The following STARD8 variants were observed in gnomAD, a reference collection of about 807,000 sequenced individuals.
STARD8 encodes StAR related lipid transfer domain containing 8, also known as stAR-related lipid transfer protein 8.
STARD8 carries 25 observed loss-of-function variants against 69.4 expected under a neutral mutation model. The observed-to-expected ratio is 0.36, with a 90% CI of 0.26 to 0.50. The LOEUF is 0.50. STARD8 is among the 20% of genes least tolerant of loss of function. The probability of loss-of-function intolerance (pLI) is 0.96; values close to 1 mark genes in which losing one functional copy is unlikely to be tolerated. For missense variants in STARD8, 921 were observed against 932.5 expected (o/e 0.99, Z 0.16); for synonymous variants, 389 against 374.6 (o/e 1.04, Z -0.45).
At chrX:68,711,081 T>C (rs1390507883) in intron 2 of STARD8, among the ~76,000 whole-genome samples, 1 of 111,879 alleles carries the variant, frequency 8.9e-6, no homozygotes, top group African/African-American at 3.3e-5. Flanking sequence ...AGGCTTGCAT[T>C]GCCCCCTGCC....
intron 5 of STARD8, 96 bp downstream of exon 5, chrX:68,716,527 A>AGACTCCTGGGATACT: frequency 1.1e-6 from 1 of 894,865 alleles, no homozygotes; most frequent in Non-Finnish European, 1.6e-6. Flanking sequence ...CCAGTATCCC[A>AGACTCCTGGGATACT]GGAGTCTGAG....
At chrX:68,664,637 T>A (rs996914093) in intron 1 of STARD8, among the ~76,000 whole-genome samples, 1 of 111,769 alleles carries the variant, frequency 8.9e-6, no homozygotes, top group Admixed American at 9.5e-5. Flanking sequence ...CACCTCTCTA[T>A]CCCCCCACTC....
At chrX:68,674,242 G>A (rs1261363123) in intron 2 of STARD8, among the ~76,000 whole-genome samples, 1 of 102,941 alleles carries the variant, frequency 9.7e-6, no homozygotes, top group African/African-American at 3.6e-5. Context: ...GCAGTGAGCC[G>A]AGATCGCACC....
intron 2 of STARD8, among the ~76,000 whole-genome samples, chrX:68,686,726 C>T (rs2079835215): frequency 8.9e-6 from 1 of 112,620 alleles, no homozygotes; most frequent in South Asian, 3.6e-4. Flanking sequence ...CACCCCTGGC[C>T]GGCAGTGCCC....
chrX:68,671,840 A>G (rs2079730370), intron 2 of STARD8, among the ~76,000 whole-genome samples: 1 of 112,159 alleles, frequency 8.9e-6, no homozygotes, highest in Admixed American at 9.4e-5. Context: ...GAGGAGCCCT[A>G]GTGTCCCCTA....
intron 2 of STARD8, among the ~76,000 whole-genome samples, chrX:68,704,289 T>C (rs1056505772): frequency 9.0e-6 from 1 of 111,620 alleles, no homozygotes; most frequent in Non-Finnish European, 1.9e-5. Flanking sequence ...GACCTCCAGC[T>C]TGATGAAGAA....
At chrX:68,684,550 C>T (rs1309600639) in intron 2 of STARD8, among the ~76,000 whole-genome samples, 5 of 112,693 alleles carry the variant, frequency 4.4e-5, no homozygotes, top group African/African-American at 1.3e-4. Flanking sequence ...CCTCCTTTTC[C>T]GCGGGCGGCG....
At chrX:68,714,702 T>C (rs2080077815) in intron 3 of STARD8, among the ~76,000 whole-genome samples, 1 of 112,454 alleles carries the variant, frequency 8.9e-6, no homozygotes, top group African/African-American at 3.2e-5. Context: ...AAATGCTCAA[T>C]TGGATACTCA....
In STARD8 at chrX:68,659,586, C is replaced by T. The variant is rs144361061; in HGVS notation, c.46-5913C>T. Among the ~76,000 whole-genome samples, 371 of 111,793 alleles carry T rather than the reference C, an allele frequency of 3.3e-3. 4 individuals carry two copies. Among genetic ancestry groups the T allele is most frequent in the African/African-American group, 0.012 (363 of 30,756 alleles). On this transcript the variant is annotated intron_variant, in intron 1 of 14. Coordinates refer to ENST00000374599, the MANE Select transcript of STARD8 (RefSeq NM_001142503.3). ...CACTCACCCTTATAGGGCGCCTCTC[C>T]CGGAAAGACTCTGCAGTTCTGGGCA... is the stretch of plus-strand genomic sequence containing the variant.
chrX:68,674,788 T>C (rs1005928223), intron 2 of STARD8, among the ~76,000 whole-genome samples: 1 of 108,879 alleles, frequency 9.2e-6, no homozygotes, highest in African/African-American at 3.3e-5. Flanking sequence ...TTTGTTGTTG[T>C]TGTTGTTGTT....
chrX:68,661,966 C>CTTTCTTTCTTTCTTTCTT (rs1215178287), intron 1 of STARD8, among the ~76,000 whole-genome samples: 22 of 71,933 alleles, frequency 3.1e-4, no homozygotes, highest in African/African-American at 1.5e-3. Context: ...CTCTCTCTCT[C>CTTTCTTTCTTTCTTTCTT]TCTCTCTTTC....
rs370318009 is a variant in STARD8 at position 68,676,983 on chromosome X, C to CA, written c.79+11464dup. Among the ~76,000 whole-genome samples the CA allele has an allele frequency of 3.6e-3, 344 of 94,307 alleles. 1 individual carries two copies. The highest frequency in any genetic ancestry group is 4.9e-3 in the South Asian group (10 of 2,037). 81.9% of individuals were successfully genotyped at this position (94,307 alleles called of 115,157 possible). ...CAACATAGGGAGACCCCGCCCCTACCAAAAAAAAAAAAATTAGCCAGGTGT... is the reference window on the plus strand; with the variant it reads ...CAACATAGGGAGACCCCGCCCCTACCAAAAAAAAAAAAAATTAGCCAGGTGT... On this transcript the variant is annotated intron_variant, in intron 2 of 14. Coordinates refer to ENST00000374599, the MANE Select transcript of STARD8 (RefSeq NM_001142503.3).
At chrX:68,674,957 A>ATTTT (rs770593904) in intron 2 of STARD8, among the ~76,000 whole-genome samples, 2 of 53,853 alleles carry the variant, frequency 3.7e-5, no homozygotes, top group Non-Finnish European at 7.6e-5. Context: ...TAATTTTTGT[A>ATTTT]TTTTTTTTTT....
At chrX:68,705,870 A>C (rs143175240) in intron 2 of STARD8, among the ~76,000 whole-genome samples, 40 of 112,947 alleles carry the variant, frequency 3.5e-4, no homozygotes, top group Non-Finnish European at 6.4e-4. Flanking sequence ...CCTGGTTGAG[A>C]ATCCCTGTGG....
At chrX:68,661,981 T>C (rs1448900930) in intron 1 of STARD8, among the ~76,000 whole-genome samples, 1 of 70,371 alleles carries the variant, frequency 1.4e-5, no homozygotes, top group Non-Finnish European at 2.5e-5. Context: ...TCTTTCTTTC[T>C]TTCTTTCTTT....
At chrX:68,655,854 T>C (rs1466908032) in intron 1 of STARD8, among the ~76,000 whole-genome samples, 1 of 111,486 alleles carries the variant, frequency 9.0e-6, no homozygotes, top group Non-Finnish European at 1.9e-5. Context: ...CTTAATGGAG[T>C]TGCCAGCGAG....
chrX:68,719,855 T>G (rs772869702), intron 7 of STARD8, among the ~76,000 whole-genome samples: 1 of 112,056 alleles, frequency 8.9e-6, no homozygotes, highest in East Asian at 2.8e-4. Context: ...TGCCTTTGTT[T>G]GTGCTGTGCT....
In STARD8 at chrX:68,702,211, G is replaced by A. The variant is rs972326791; in HGVS notation, c.80-10703G>A. 3.6e-5 allele frequency among the ~76,000 whole-genome samples: 4 copies of A among 112,175 alleles called. No homozygotes were observed. In the Admixed American group the frequency reaches 3.8e-4, roughly 11 times the overall value. ...TTCAGACCTTAGTACCCAGCATAGG[G>A]CTTGGCACCAAGTAGGTGCTTGGGT... On this transcript the variant is annotated intron_variant, in intron 2 of 14. Transcript: ENST00000374599.
At chrX:68,679,950 C>T (rs370444734) in intron 2 of STARD8, among the ~76,000 whole-genome samples, 6 of 111,627 alleles carry the variant, frequency 5.4e-5, no homozygotes, top group Admixed American at 9.5e-5. Context: ...CTTGACGCTC[C>T]GCCCTTTTCA....
Sources: gnomAD v4.1 joint callset for allele counts (sites outside exome capture counted in the v4.1 genomes callset) on GRCh38, gnomAD v4.1.1 for gene constraint, MANE v1.5 for transcripts, NCBI Gene and HGNC (gene_info 2026-07-23, HGNC 2026-07-21) for gene names.